TNPO1: variants seen among roughly 807,000 people sequenced by gnomAD.
The protein encoded by TNPO1 is transportin-1.
In TNPO1, 8 loss-of-function variants were observed where a neutral mutation model predicts 119.5. The observed-to-expected ratio is 0.07, with a 90% CI of 0.04 to 0.12. TNPO1 has a LOEUF of 0.12. Among genes scored for constraint, TNPO1 ranks in the 10% least tolerant of loss-of-function variants. TNPO1 has a pLI of 1.00. For synonymous variants in TNPO1, 362 were observed against 363.0 expected (o/e 1.00, Z 0.03); for missense variants, 576 against 1,089.8 (o/e 0.53, Z 6.64).
At chr5:72,845,823 GC>G (rs1368786812) in intron 1 of TNPO1, among the ~76,000 whole-genome samples, 1 of 150,562 alleles carries the variant, frequency 6.6e-6, no homozygotes, top group Non-Finnish European at 1.5e-5. Flanking sequence ...TAATGAAGAT[GC>G]CTTTCAGACT....
chr5:72,860,914 A>AT lies in TNPO1; in HGVS notation c.356-879dup, dbSNP rs61301093. ...TACTCTTTTGTATGGATAAATTAGA[A>AT]TTTTTTTTTTTTTTTGAGACAGAAT... On this transcript the variant is annotated intron_variant, in intron 4 of 24. Coordinates refer to ENST00000337273, the MANE Select transcript of TNPO1 (RefSeq NM_002270.4). Among the ~76,000 whole-genome samples the AT allele has an allele frequency of 9.4e-3, 1,361 of 144,154 alleles. 12 individuals carry two copies. The highest frequency in any genetic ancestry group is 0.018 in the African/African-American group (715 of 39,518). 94.6% of individuals were successfully genotyped at this position (144,154 alleles called of 152,430 possible).
At position 72,891,912 on chromosome 5, in the gene TNPO1, A is replaced by T. The variant is rs778956830; in HGVS notation, c.1788+16A>T. 2 of 1,588,786 alleles carry T rather than the reference A, an allele frequency of 1.3e-6. No homozygotes were observed. The highest frequency in any genetic ancestry group is 8.6e-7 in the Non-Finnish European group (1 of 1,163,880). On this transcript the variant is annotated intron_variant, in intron 15 of 24. Coordinates refer to ENST00000337273, the MANE Select transcript of TNPO1 (RefSeq NM_002270.4). ...TTTACTTGAGGTATGCAGGGCTAGT[A>T]ATATTTAATCTGTTGCCAAGAACAC...
chr5:72,865,778 C>T, intron 6 of TNPO1, 49 bp downstream of exon 6: 3 of 1,542,626 alleles, frequency 1.9e-6, no homozygotes, highest in Non-Finnish European at 2.6e-6. Context: ...TAAACCTGAC[C>T]ATTATCTTAG....
intron 1 of TNPO1, among the ~76,000 whole-genome samples, chr5:72,821,581 G>C (rs1349125846): frequency 6.6e-6 from 1 of 152,136 alleles, no homozygotes; most frequent in Non-Finnish European, 1.5e-5. Flanking sequence ...AATGATGAGA[G>C]AGCTAGCAAA....
intron 1 of TNPO1, among the ~76,000 whole-genome samples, chr5:72,833,438 T>G (rs1489866013): frequency 6.6e-6 from 1 of 152,116 alleles, no homozygotes. Flanking sequence ...ATTTTTAAAA[T>G]AAGAGGATTG....
At chr5:72,873,332 T>A (rs888304413) in intron 7 of TNPO1, among the ~76,000 whole-genome samples, 2 of 152,116 alleles carry the variant, frequency 1.3e-5, no homozygotes, top group African/African-American at 4.8e-5. Flanking sequence ...CTTAAGCACC[T>A]TCACTTTTAT....
chr5:72,903,672 C>G, intron 22 of TNPO1, 37 bp from the exon 23 acceptor site: 1 of 1,418,836 alleles, frequency 7.0e-7, no homozygotes, highest in Non-Finnish European at 9.8e-7. Context: ...TTGACAAATA[C>G]AATATCAACC....
chr5:72,906,571 G>A (rs141962904), intron 24 of TNPO1, among the ~76,000 whole-genome samples: 5 of 152,146 alleles, frequency 3.3e-5, no homozygotes, highest in East Asian at 3.9e-4. Context: ...ATTTACAGGC[G>A]TAAGCCACTG....
chr5:72,907,774 T>C (rs1750272165), intron 24 of TNPO1, among the ~76,000 whole-genome samples: 1 of 152,138 alleles, frequency 6.6e-6, no homozygotes, highest in Non-Finnish European at 1.5e-5. Flanking sequence ...CAGGGTGTGA[T>C]GGCCCACATC....
chr5:72,855,688 T>C, intron 3 of TNPO1, 86 bp from the exon 4 acceptor site: 1 of 1,145,976 alleles, frequency 8.7e-7, no homozygotes, highest in East Asian at 2.5e-5. Context: ...CAATCAACTT[T>C]TGAATATAAA....
At chr5:72,894,465 A>T (rs1749278743) in intron 18 of TNPO1, among the ~76,000 whole-genome samples, 1 of 152,204 alleles carries the variant, frequency 6.6e-6, no homozygotes, top group Non-Finnish European at 1.5e-5. Context: ...AAGTCAGGAG[A>T]TCAAGACCAT....
chr5:72,861,907 C>T lies in TNPO1; in HGVS notation c.455C>T (p.Thr152Ile), dbSNP rs544239717. The stretch of plus-strand genomic sequence containing the variant: ...CTGTTGGATTCTGAAGATTATAATA[C>T]CTGTGAGGTAAGGATATTTGTTTCA... Reference protein sequence around the residue: ...CSLLDSEDYNTCEGAFGALQK... With the variant: ...CSLLDSEDYNICEGAFGALQK... Residue 152 changes from threonine to isoleucine, a missense_variant, in exon 5 of 25, where the codon ACC becomes ATC. Transcript: ENST00000337273. 3.1e-6 allele frequency: 5 copies of T among 1,606,898 alleles called. No homozygotes were observed. Among genetic ancestry groups the T allele is most frequent in the South Asian group, 1.1e-5 (1 of 90,948 alleles).
chr5:72,908,643 G>C (rs1750343578), intron 24 of TNPO1, 66 bp from the exon 25 acceptor site: 1 of 156,072 alleles, frequency 6.4e-6, no homozygotes, highest in South Asian at 1.8e-4. Context: ...TTAATTTTTT[G>C]TTCCACTGGC....
chr5:72,895,802 G>A (rs1749388347), intron 18 of TNPO1, among the ~76,000 whole-genome samples: 1 of 152,048 alleles, frequency 6.6e-6, no homozygotes, highest in Non-Finnish European at 1.5e-5. Context: ...TCAAAATAAT[G>A]AATTGATTCC....
At chr5:72,822,416 A>G (rs1744002775) in intron 1 of TNPO1, among the ~76,000 whole-genome samples, 1 of 152,012 alleles carries the variant, frequency 6.6e-6, no homozygotes, top group African/African-American at 2.4e-5. Flanking sequence ...ATATATCGGT[A>G]CGGCTATTTT....
At position 72,908,846 on chromosome 5, in the gene TNPO1, G is replaced by C; in HGVS notation, c.*173G>C. On this transcript the variant is annotated 3_prime_UTR_variant, in exon 25 of 25. Coordinates refer to ENST00000337273, the MANE Select transcript of TNPO1 (RefSeq NM_002270.4). ...GGAGGGGCGGGAGGGAGGTGTTGCC[G>C]TCACTGTATTAAGTCGATGTTGGGA... 2 of 449,934 alleles carry C rather than the reference G, an allele frequency of 4.4e-6. No individual in the cohort carries two copies. Among genetic ancestry groups the C allele is most frequent in the South Asian group, 3.1e-5 (2 of 63,520 alleles). The allele number at this position is 449,934 out of a possible 1,614,324, so 27.9% of individuals were successfully genotyped here.
chr5:72,878,880 G>T, intron 9 of TNPO1: 1 of 484,666 alleles, frequency 2.1e-6, no homozygotes, highest in Non-Finnish European at 4.2e-6. Context: ...AAATCCTTGA[G>T]GGGTACAGCA....
chr5:72,864,677 C>T (rs537697021), intron 5 of TNPO1, among the ~76,000 whole-genome samples: 31 of 152,132 alleles, frequency 2.0e-4, no homozygotes, highest in African/African-American at 7.0e-4. Flanking sequence ...GGTGCCATCT[C>T]GGCCCACTGC....
rs776092578 is a variant in TNPO1, at chr5:72,816,752, G to T, written c.15G>T (p.Arg5=). MVWD[R]QTKMEYEWKP... Reference sequence around the variant, plus strand: ...AGGCGTCTGGGATGGTGTGGGACCGGGTAGGTGGCGTGAGGGTGCGCGGCC... The same window carrying T: ...AGGCGTCTGGGATGGTGTGGGACCGTGTAGGTGGCGTGAGGGTGCGCGGCC... The change falls in exon 1 of 25, where the codon CGG becomes CGT. Residue 5 remains arginine, a splice_region_variant and synonymous_variant. Coordinates refer to ENST00000337273, the MANE Select transcript of TNPO1 (RefSeq NM_002270.4). 1 of 1,585,574 alleles carries T rather than the reference G, an allele frequency of 6.3e-7. No individual in the cohort carries two copies. Among genetic ancestry groups the T allele is most frequent in the East Asian group, 2.3e-5 (1 of 42,714 alleles).
Sources: gnomAD v4.1 joint callset for allele counts (sites outside exome capture counted in the v4.1 genomes callset) on GRCh38, gnomAD v4.1.1 for gene constraint, MANE v1.5 for transcripts, NCBI Gene and HGNC (gene_info 2026-07-23, HGNC 2026-07-21) for gene names.